Variants in CTNNA3 observed in about 807,000 individuals in gnomAD.
CTNNA3 encodes catenin alpha-3.
Under a neutral mutation model 95.7 loss-of-function variants are expected in CTNNA3, and 76 were observed. That is an observed-to-expected ratio of 0.79 (90% CI 0.66 to 0.96). The LOEUF (loss-of-function observed/expected upper bound fraction) is 0.96, where lower values mean the gene tolerates loss of function less well. Ranked by LOEUF, CTNNA3 falls within the 40% of genes least tolerant of loss-of-function variation. The pLI is 0.00. For synonymous variants in CTNNA3, 431 were observed against 374.4 expected, an observed-to-expected ratio of 1.15 and a Z score of -1.74; for missense variants, 1,191 against 1,089.8, an observed-to-expected ratio of 1.09 and a Z score of -1.31.
intron 11 of CTNNA3, among the ~76,000 whole-genome samples, chr10:66,402,316 C>G (rs2093027409): frequency 6.6e-6 from 1 of 152,108 alleles, no homozygotes; most frequent in Non-Finnish European, 1.5e-5. Context: ...CCCTCTTTAC[C>G]TGTATATTTC....
intron 11 of CTNNA3, among the ~76,000 whole-genome samples, chr10:66,446,864 A>G (rs2093426007): frequency 6.6e-6 from 1 of 152,018 alleles, no homozygotes; most frequent in African/African-American, 2.4e-5. Flanking sequence ...GTATTCAATT[A>G]GGAAAAGAGG....
At chr10:66,245,967 C>A (rs4388764) in intron 13 of CTNNA3, among the ~76,000 whole-genome samples, 32,472 of 152,018 alleles carry the variant, frequency 0.21, 3,627 homozygotes, top group South Asian at 0.29. Flanking sequence ...GGCTCATGGG[C>A]AACCATTGGT....
At chr10:67,703,454 T>C (rs1841057518) in intron 1 of CTNNA3, among the ~76,000 whole-genome samples, 2 of 152,136 alleles carry the variant, frequency 1.3e-5, no homozygotes, top group African/African-American at 4.8e-5. Flanking sequence ...ATCCCTGGGA[T>C]GCAAGGCTGG....
chr10:66,118,775 CA>C (rs2082445887), intron 13 of CTNNA3, among the ~76,000 whole-genome samples: 2 of 152,112 alleles, frequency 1.3e-5, no homozygotes, highest in South Asian at 2.1e-4. Context: ...TCACTGTTAT[CA>C]ATGTGGCAAG....
At chr10:66,716,332 G>C (rs1173539594) in intron 9 of CTNNA3, among the ~76,000 whole-genome samples, 1 of 152,078 alleles carries the variant, frequency 6.6e-6, no homozygotes, top group Non-Finnish European at 1.5e-5. Flanking sequence ...ATTCCACAAG[G>C]AAGAATTTGA....
intron 5 of CTNNA3, among the ~76,000 whole-genome samples, chr10:67,364,495 T>G (rs941871787): frequency 6.6e-6 from 1 of 151,778 alleles, no homozygotes; most frequent in African/African-American, 2.4e-5. Context: ...GAGAAAGAAA[T>G]AAAGGGTATT....
At chr10:65,956,559 A>T (rs992307646) in intron 17 of CTNNA3, among the ~76,000 whole-genome samples, 1 of 152,170 alleles carries the variant, frequency 6.6e-6, no homozygotes, top group African/African-American at 2.4e-5. Context: ...ACTGCTTTAA[A>T]TGTGTCCCAG....
intron 5 of CTNNA3, among the ~76,000 whole-genome samples, chr10:67,225,593 T>C (rs1294487220): frequency 1.3e-5 from 2 of 152,102 alleles, no homozygotes; most frequent in Non-Finnish European, 2.9e-5. Flanking sequence ...CAGGGTAGAC[T>C]TGCTGGGTGG....
At chr10:67,095,302 C>T (rs932524518) in intron 7 of CTNNA3, among the ~76,000 whole-genome samples, 4 of 151,528 alleles carry the variant, frequency 2.6e-5, no homozygotes, top group Admixed American at 6.6e-5. Context: ...ATTCACGTTG[C>T]TTATAAGTTC....
chr10:66,753,987 C>A (rs1174386846), intron 9 of CTNNA3, among the ~76,000 whole-genome samples: 2 of 152,032 alleles, frequency 1.3e-5, no homozygotes, highest in Non-Finnish European at 2.9e-5. Flanking sequence ...AATGCAATCC[C>A]TATCAAGATT....
chr10:66,915,194 A>G (rs189204293), intron 7 of CTNNA3, among the ~76,000 whole-genome samples: 10 of 125,512 alleles, frequency 8.0e-5, no homozygotes, highest in African/African-American at 1.3e-4. Flanking sequence ...AAACTAACGA[A>G]AAAAAAAAAA....
At chr10:66,315,636 A>T (rs1490031836) in intron 12 of CTNNA3, among the ~76,000 whole-genome samples, 1 of 152,004 alleles carries the variant, frequency 6.6e-6, no homozygotes, top group African/African-American at 2.4e-5. Context: ...ACTATTTTCA[A>T]CTTGCTTATT....
At chr10:67,293,732 G>C (rs1839926150) in intron 5 of CTNNA3, among the ~76,000 whole-genome samples, 1 of 138,294 alleles carries the variant, frequency 7.2e-6, no homozygotes, top group Admixed American at 8.3e-5. Flanking sequence ...TGTTCTCATT[G>C]TTCAATTCCC....
chr10:67,188,615 T>C (rs1259557393), intron 6 of CTNNA3, among the ~76,000 whole-genome samples: 1 of 152,024 alleles, frequency 6.6e-6, no homozygotes, highest in East Asian at 1.9e-4. Context: ...AATAGAACTA[T>C]CATATAATCA....
intron 13 of CTNNA3, among the ~76,000 whole-genome samples, chr10:66,194,582 A>C (rs1040236171): frequency 2.6e-5 from 4 of 152,232 alleles, no homozygotes; most frequent in African/African-American, 9.6e-5. Context: ...CTCCATCTCA[A>C]AAAATAATTA....
At chr10:67,487,537 G>A (rs1400591573) in intron 5 of CTNNA3, among the ~76,000 whole-genome samples, 2 of 152,144 alleles carry the variant, frequency 1.3e-5, no homozygotes, top group African/African-American at 4.8e-5. Context: ...ATCATCTGGG[G>A]CAATCAAGGA....
At chr10:66,696,253 T>G (rs78884591) in intron 9 of CTNNA3, among the ~76,000 whole-genome samples, 11,609 of 152,252 alleles carry the variant, frequency 0.076, 486 homozygotes, top group Middle Eastern at 0.13. Context: ...GTCATCAGTG[T>G]TTCAGAAACT....
chr10:66,622,737 C>T (rs1844794373), intron 9 of CTNNA3, among the ~76,000 whole-genome samples: 1 of 152,056 alleles, frequency 6.6e-6, no homozygotes, highest in Non-Finnish European at 1.5e-5. Flanking sequence ...GTTTTTCCTG[C>T]TAAGATCTAA....
At chr10:67,221,764 C>G (rs1030181470) in intron 5 of CTNNA3, among the ~76,000 whole-genome samples, 7 of 151,774 alleles carry the variant, frequency 4.6e-5, no homozygotes, top group Non-Finnish European at 1.0e-4. Flanking sequence ...TTAATAGGGA[C>G]GGGGTTTCAT....
Sources: allele counts gnomAD v4.1 joint callset (sites outside exome capture counted in the v4.1 genomes callset), GRCh38; gene constraint gnomAD v4.1.1; transcripts MANE v1.5; gene names NCBI Gene and HGNC (gene_info 2026-07-23, HGNC 2026-07-21).